The following MAP3K21 variants were observed in gnomAD, a reference collection of about 807,000 sequenced individuals.
MAP3K21 encodes mitogen-activated protein kinase kinase kinase MLK4.
Under a neutral mutation model 86.1 loss-of-function variants are expected in MAP3K21, and 63 were observed. The ratio of observed to expected loss-of-function variants is 0.73; its 90% CI spans 0.60 to 0.90. The LOEUF is 0.90. Among genes scored for constraint, MAP3K21 ranks in the 40% least tolerant of loss-of-function variants. The probability of loss-of-function intolerance (pLI) is 0.00; values close to 1 mark genes in which losing one functional copy is unlikely to be tolerated. For synonymous variants in MAP3K21, 558 were observed against 564.8 expected (o/e 0.99, Z 0.17); for missense variants, 1,220 against 1,367.7 (o/e 0.89, Z 1.70).
rs535490115 is a variant in MAP3K21 at position 233,327,726 on chromosome 1, C to T, written c.-303C>T. On this transcript the variant is annotated 5_prime_UTR_variant, in exon 1 of 10. Coordinates refer to ENST00000366624, the MANE Select transcript of MAP3K21 (RefSeq NM_032435.3). ...GCGCGGCTAGGGTGGGGTGGGGCGT[C>T]CCAGGCTCTGGCTAAGGAGCGCGCG... The T allele has an allele frequency of 9.0e-6, 2 of 222,908 alleles. No homozygotes were observed. Among genetic ancestry groups the T allele is most frequent in the East Asian group, 9.3e-5 (1 of 10,722 alleles). The allele number at this position is 222,908 out of a possible 1,614,324, so 13.8% of individuals were successfully genotyped here.
At chr1:233,375,010 C>T (rs1316503342) in intron 6 of MAP3K21, among the ~76,000 whole-genome samples, 2 of 151,578 alleles carry the variant, frequency 1.3e-5, no homozygotes, top group Admixed American at 6.6e-5. Context: ...GGCGCGATCT[C>T]GGATCACTGC....
chr1:233,346,420 C>T (rs1194722638), intron 1 of MAP3K21, 22 bp from the exon 2 acceptor site: 2 of 1,559,772 alleles, frequency 1.3e-6, no homozygotes, highest in Admixed American at 1.9e-5. Flanking sequence ...ATGCAAATGT[C>T]TCACTTTTGA....
chr1:233,382,318 T>C lies in MAP3K21; in HGVS notation c.2718T>C (p.Ile906=), dbSNP rs185875980. 2.5e-6 allele frequency: 4 copies of C among 1,612,192 alleles called. No individual in the cohort carries two copies. The Admixed American group carries it at 6.7e-5, about 27-fold the overall frequency. ...TTTCTCAACCAGCTGGTGCAACTATTATCTCAGCCACTGGAGCCTCTGCAC... is the reference window on the plus strand; with the variant it reads ...TTTCTCAACCAGCTGGTGCAACTATCATCTCAGCCACTGGAGCCTCTGCAC... The part of the protein sequence containing the change: ...DGNPTPTGAT[I]ISATGASALP... The change falls in exon 10 of 10, where the codon ATT becomes ATC. Residue 906 remains isoleucine, a synonymous_variant. Coordinates refer to ENST00000366624, the MANE Select transcript of MAP3K21 (RefSeq NM_032435.3).
chr1:233,352,386 C>T (rs1238182314), intron 2 of MAP3K21, among the ~76,000 whole-genome samples: 1 of 151,320 alleles, frequency 6.6e-6, no homozygotes, highest in Non-Finnish European at 1.5e-5. Context: ...TGTAGCCATC[C>T]TACAGTGCGT....
rs1474850962 is a variant in MAP3K21, at chr1:233,382,809, A to AGCTGTG, written c.*101_*106dup. The AGCTGTG allele has an allele frequency of 8.2e-6, 9 of 1,092,340 alleles. No individual in the cohort carries two copies. In the African/African-American group the frequency reaches 1.4e-4, roughly 17 times the overall value. 67.7% of individuals were successfully genotyped at this position (1,092,340 alleles called of 1,614,324 possible). A position where few individuals can be genotyped will look rare whatever the true frequency, so the allele number is the denominator to read the frequency against. On this transcript the variant is annotated 3_prime_UTR_variant, in exon 10 of 10. Transcript: ENST00000366624. ...TGTTTCATGCTGCTGTGTTTTCAAA[A>AGCTGTG]GCTGTGGCCATGTTCCTAAATTAGT...
rs569572975 is a variant in MAP3K21, at chr1:233,351,957, C to T, written c.987-1850C>T. Among the ~76,000 whole-genome samples, 3 of 152,210 alleles carry T rather than the reference C, an allele frequency of 2.0e-5. No individual in the cohort carries two copies. The East Asian group carries it at 5.8e-4, about 30-fold the overall frequency. ...ATGCTGGACTGTGGTGGTGCAATCA[C>T]AGCGCACTGCAGCCTCATCCACACG... On this transcript the variant is annotated intron_variant, in intron 2 of 9. Transcript: ENST00000366624.
chr1:233,330,126 A>G (rs926603405), intron 1 of MAP3K21, among the ~76,000 whole-genome samples: 5 of 152,248 alleles, frequency 3.3e-5, no homozygotes, highest in African/African-American at 1.2e-4. Context: ...AAGAGTGACA[A>G]GAAGAAATTT....
chr1:233,339,322 T>TCGC (rs1330668593), intron 1 of MAP3K21, among the ~76,000 whole-genome samples: 1 of 136,410 alleles, frequency 7.3e-6, no homozygotes, highest in African/African-American at 2.7e-5. Context: ...CTTCCTCTTC[T>TCGC]TCTTCTTCCT....
chr1:233,350,846 T>C (rs923234158), intron 2 of MAP3K21, among the ~76,000 whole-genome samples: 4 of 152,200 alleles, frequency 2.6e-5, no homozygotes, highest in African/African-American at 7.2e-5. Context: ...CGTTTCATTA[T>C]ACTATCTTCT....
chr1:233,355,420 C>T (rs1244871858), intron 4 of MAP3K21, among the ~76,000 whole-genome samples: 2 of 152,122 alleles, frequency 1.3e-5, no homozygotes, highest in East Asian at 1.9e-4. Flanking sequence ...CTTAAAAATG[C>T]GATTTAAGAA....
intron 5 of MAP3K21, among the ~76,000 whole-genome samples, chr1:233,362,912 T>A (rs2102759102): frequency 6.6e-6 from 1 of 152,224 alleles, no homozygotes; most frequent in South Asian, 2.1e-4. Flanking sequence ...CTAAAGGGAA[T>A]AGAAAATATA....
Position 233,328,493 on chromosome 1 carries a change from G to A in MAP3K21, c.465G>A (p.Gln155=), listed in dbSNP as rs1287952639. 6 of 1,515,628 alleles carry A rather than the reference G, an allele frequency of 4.0e-6. No individual in the cohort carries two copies. Among genetic ancestry groups the A allele is most frequent in the South Asian group, 2.5e-5 (2 of 81,036 alleles). 93.9% of individuals were successfully genotyped at this position (1,515,628 alleles called of 1,614,324 possible). ...GQEVAVKAAR[Q]DPEQDAAAAA... Reference sequence around the variant, plus strand: ...AGGTGGCCGTGAAGGCGGCGCGCCAGGACCCGGAGCAGGACGCGGCGGCGG... The same window carrying A: ...AGGTGGCCGTGAAGGCGGCGCGCCAAGACCCGGAGCAGGACGCGGCGGCGG... The change falls in exon 1 of 10, where the codon CAG becomes CAA. Residue 155 remains glutamine, a synonymous_variant. Coordinates refer to ENST00000366624, the MANE Select transcript of MAP3K21 (RefSeq NM_032435.3). This position sits in a 1 kb window ranked among gnomAD's most constrained non-coding sequence, Gnocchi z 8.7.
At chr1:233,358,631 T>C (rs1663410567) in intron 4 of MAP3K21, among the ~76,000 whole-genome samples, 1 of 152,110 alleles carries the variant, frequency 6.6e-6, no homozygotes, top group Non-Finnish European at 1.5e-5. Context: ...ATGATGTTAC[T>C]CACAATTAGT....
chr1:233,360,292 A>G (rs1302877081), intron 4 of MAP3K21, among the ~76,000 whole-genome samples: 1 of 152,262 alleles, frequency 6.6e-6, no homozygotes, highest in Non-Finnish European at 1.5e-5. Flanking sequence ...AAAATGGATT[A>G]CAGATTTTTT....
intron 5 of MAP3K21, among the ~76,000 whole-genome samples, chr1:233,370,044 C>T (rs532082369): frequency 1.3e-5 from 2 of 152,168 alleles, no homozygotes; most frequent in Non-Finnish European, 2.9e-5. Context: ...AAAAATGCAT[C>T]TGGCTGCTGT....
chr1:233,343,533 G>A (rs1229080960), intron 1 of MAP3K21, among the ~76,000 whole-genome samples: 1 of 152,164 alleles, frequency 6.6e-6, no homozygotes. Flanking sequence ...CCAATGGCAG[G>A]AAATCAAAAG....
intron 5 of MAP3K21, among the ~76,000 whole-genome samples, chr1:233,368,334 T>C (rs991245464): frequency 3.3e-5 from 5 of 152,158 alleles, no homozygotes; most frequent in Admixed American, 6.5e-5. Flanking sequence ...CCTCAACTGC[T>C]CTGCCCTGGT....
intron 5 of MAP3K21, among the ~76,000 whole-genome samples, chr1:233,366,330 G>A (rs1383894650): frequency 1.3e-5 from 2 of 152,108 alleles, no homozygotes; most frequent in Non-Finnish European, 2.9e-5. Flanking sequence ...TTTTCAAAAA[G>A]CCAGAAGAGA....
intron 1 of MAP3K21, among the ~76,000 whole-genome samples, chr1:233,341,523 A>C (rs758012034): frequency 1.3e-5 from 2 of 152,184 alleles, no homozygotes; most frequent in Admixed American, 6.5e-5. Context: ...CCTGGCTCCT[A>C]TGGAAACTCT....
Sources: allele counts gnomAD v4.1 joint callset (sites outside exome capture counted in the v4.1 genomes callset), GRCh38; gene constraint gnomAD v4.1.1; non-coding constraint Gnocchi (gnomAD v3.1); transcripts MANE v1.5; gene names NCBI Gene and HGNC (gene_info 2026-07-23, HGNC 2026-07-21).